Variants in SOS2 observed in about 807,000 individuals in gnomAD.
SOS2 encodes the protein son of sevenless homolog 2.
SOS2 carries 65 observed loss-of-function variants against 148.2 expected under a neutral mutation model. That is an observed-to-expected ratio of 0.44 (90% CI 0.36 to 0.54). SOS2 has a LOEUF of 0.54. Ranked by LOEUF, SOS2 falls within the 20% of genes least tolerant of loss-of-function variation. The pLI is 0.00. For synonymous variants in SOS2, 539 were observed against 537.1 expected (o/e 1.00, Z -0.05); for missense variants, 1,341 against 1,590.2 (o/e 0.84, Z 2.67).
intron 5 of SOS2, among the ~76,000 whole-genome samples, chr14:50,187,719 G>GA (rs1219244800): frequency 6.6e-6 from 1 of 151,746 alleles, no homozygotes; most frequent in African/African-American, 2.4e-5. Flanking sequence ...ATAAAAGAAA[G>GA]AAAAAAAACT....
At chr14:50,122,167 A>T (rs890910674) in intron 21 of SOS2, among the ~76,000 whole-genome samples, 2 of 152,176 alleles carry the variant, frequency 1.3e-5, no homozygotes, top group African/African-American at 4.8e-5. Context: ...AGTGAAATTT[A>T]AAAGGAGATA....
At chr14:50,128,898 G>T (rs1883773866) in intron 21 of SOS2, among the ~76,000 whole-genome samples, 1 of 152,174 alleles carries the variant, frequency 6.6e-6, no homozygotes, top group African/African-American at 2.4e-5. Context: ...AGGATTACAG[G>T]TATGAGCCAC....
At chr14:50,186,813 C>T (rs117273505) in intron 5 of SOS2, among the ~76,000 whole-genome samples, 3,161 of 151,988 alleles carry the variant, frequency 0.021, 74 homozygotes, top group Non-Finnish European at 0.026. Flanking sequence ...AACATATATC[C>T]AAAAGAAAAA....
intron 21 of SOS2, among the ~76,000 whole-genome samples, chr14:50,123,636 G>A (rs1165460291): frequency 6.6e-6 from 1 of 151,716 alleles, no homozygotes; most frequent in Non-Finnish European, 1.5e-5. Flanking sequence ...GCCTGCCTTG[G>A]CCTCCCAAAG....
chr14:50,141,103 C>T (rs1363776648), intron 16 of SOS2, among the ~76,000 whole-genome samples: 2 of 143,060 alleles, frequency 1.4e-5, no homozygotes, highest in African/African-American at 2.6e-5. Context: ...ACTCGGGAGG[C>T]TGAGGCAGGA....
chr14:50,132,893 G>A (rs889818738), intron 19 of SOS2, among the ~76,000 whole-genome samples: 3 of 152,170 alleles, frequency 2.0e-5, no homozygotes, highest in Admixed American at 2.0e-4. Flanking sequence ...CATTAAACCA[G>A]AGCAATTCTT....
intron 7 of SOS2, 120 bp downstream of exon 7, chr14:50,180,452 G>T: frequency 3.4e-6 from 2 of 581,838 alleles, no homozygotes; most frequent in Non-Finnish European, 5.8e-6. Flanking sequence ...GGTTTAGAAT[G>T]AACAAGATTT....
In SOS2 at chr14:50,174,382, C is replaced by A; in HGVS notation, c.1068+72G>T. The A allele has an allele frequency of 5.9e-6, 4 of 672,844 alleles. No individual in the cohort carries two copies. In the East Asian group the frequency reaches 8.7e-5, roughly 15 times the overall value. 41.7% of individuals were successfully genotyped at this position (672,844 alleles called of 1,614,324 possible). Reference sequence around the variant, plus strand: ...GAATTAAAAGACTGGTACTGTGTGTCTCCAAAATTAATTTTAAAAAGTAAA... The same window carrying A: ...GAATTAAAAGACTGGTACTGTGTGTATCCAAAATTAATTTTAAAAAGTAAA... On this transcript the variant is annotated intron_variant, in intron 8 of 22. Coordinates refer to ENST00000216373, the MANE Select transcript of SOS2 (RefSeq NM_006939.4).
chr14:50,197,854 A>AC (rs1886362135), intron 4 of SOS2, among the ~76,000 whole-genome samples: 1 of 151,804 alleles, frequency 6.6e-6, no homozygotes. Flanking sequence ...ATGCCCAGCT[A>AC]CTTTTTTTGT....
intron 5 of SOS2, among the ~76,000 whole-genome samples, chr14:50,185,571 A>G (rs1885881769): frequency 6.6e-6 from 1 of 151,956 alleles, no homozygotes; most frequent in Non-Finnish European, 1.5e-5. Flanking sequence ...GCACATCTCT[A>G]ATCCTAGCTA....
intron 8 of SOS2, among the ~76,000 whole-genome samples, chr14:50,164,503 T>G (rs1885112344): frequency 6.6e-6 from 1 of 151,824 alleles, no homozygotes; most frequent in Non-Finnish European, 1.5e-5. Flanking sequence ...TGGTGGTGCA[T>G]GCCTGTAATC....
rs1883336300 is a variant in SOS2, at chr14:50,117,752, T to G, written c.*592A>C. 1 of 152,238 alleles carries G rather than the reference T, an allele frequency of 6.6e-6. No individual in the cohort carries two copies. Among genetic ancestry groups the G allele is most frequent in the Admixed American group, 6.5e-5 (1 of 15,276 alleles). The allele number at this position is 152,238 out of a possible 1,614,324, so 9.4% of individuals were successfully genotyped here. A position where few individuals can be genotyped will look rare whatever the true frequency, so the allele number is the denominator to read the frequency against. ...AGTCTTTGTTTACATTTTGACAAAA[T>G]AATAAACACTTACAGTGCCATTCTA... On this transcript the variant is annotated 3_prime_UTR_variant, in exon 23 of 23. Transcript: ENST00000216373.
intron 22 of SOS2, 95 bp from the exon 23 acceptor site, chr14:50,118,948 T>G: frequency 1.4e-6 from 1 of 728,490 alleles, no homozygotes; most frequent in South Asian, 2.8e-5. Context: ...CAAGTTAAAT[T>G]CAGAGGCTCA....
intron 1 of SOS2, among the ~76,000 whole-genome samples, chr14:50,230,503 G>T (rs1304178828): frequency 6.6e-6 from 1 of 152,198 alleles, no homozygotes; most frequent in Non-Finnish European, 1.5e-5. Flanking sequence ...ACCCAAACAT[G>T]AAAGACTGAT....
chr14:50,189,488 G>T (rs558961912), intron 4 of SOS2, among the ~76,000 whole-genome samples: 2 of 152,088 alleles, frequency 1.3e-5, no homozygotes, highest in Non-Finnish European at 2.9e-5. Context: ...AGAATTCAAT[G>T]TGGTAATGTA....
Position 50,117,821 on chromosome 14 carries a change from C to A in SOS2, c.*523G>T, listed in dbSNP as rs1377931306. 2 of 152,230 alleles carry A rather than the reference C, an allele frequency of 1.3e-5. No individual in the cohort carries two copies. The highest frequency in any genetic ancestry group is 1.3e-4 in the Admixed American group (2 of 15,280). 9.4% of individuals were successfully genotyped at this position (152,230 alleles called of 1,614,324 possible). A position where few individuals can be genotyped will look rare whatever the true frequency, so the allele number is the denominator to read the frequency against. On this transcript the variant is annotated 3_prime_UTR_variant, in exon 23 of 23. Transcript: ENST00000216373. The stretch of plus-strand genomic sequence containing the variant: ...TCATTTTTGTCTTCAGCAGCAAATA[C>A]CGGCATTTAAGACATGGCATTAAAG...
intron 1 of SOS2, among the ~76,000 whole-genome samples, chr14:50,222,425 G>A (rs1273305800): frequency 6.6e-6 from 1 of 152,146 alleles, no homozygotes. Context: ...TTGAGAACTG[G>A]ATACATCATT....
At chr14:50,163,575 T>C (rs1399334605) in intron 8 of SOS2, among the ~76,000 whole-genome samples, 4 of 152,118 alleles carry the variant, frequency 2.6e-5, no homozygotes, top group African/African-American at 7.2e-5. Flanking sequence ...GACTAAGCAA[T>C]AGAAAGGATG....
At chr14:50,136,764 A>G (rs143892953) in intron 18 of SOS2, among the ~76,000 whole-genome samples, 1 of 151,970 alleles carries the variant, frequency 6.6e-6, no homozygotes, top group African/African-American at 2.4e-5. Context: ...GAATTTTTGT[A>G]TTTTTAGTGG....
Sources: gnomAD v4.1 joint callset for allele counts (sites outside exome capture counted in the v4.1 genomes callset) on GRCh38, gnomAD v4.1.1 for gene constraint, MANE v1.5 for transcripts, NCBI Gene and HGNC (gene_info 2026-07-23, HGNC 2026-07-21) for gene names.